PREX2: variants seen among roughly 807,000 people sequenced by gnomAD.
PREX2 encodes phosphatidylinositol-3,4,5-trisphosphate dependent Rac exchange factor 2.
In PREX2, 107 loss-of-function variants were observed where a neutral mutation model predicts 203.2. That is an observed-to-expected ratio of 0.53 (90% CI 0.45 to 0.62). The LOEUF (loss-of-function observed/expected upper bound fraction) is 0.62, where lower values mean the gene tolerates loss of function less well. PREX2 is among the 20% of genes least tolerant of loss of function. The pLI, the probability that PREX2 is intolerant of heterozygous loss-of-function variation, is 0.00. For missense variants in PREX2, 1,777 were observed against 1,955.9 expected, an observed-to-expected ratio of 0.91 and a Z score of 1.72; for synonymous variants, 672 against 663.6, an observed-to-expected ratio of 1.01 and a Z score of -0.19.
intron 37 of PREX2, among the ~76,000 whole-genome samples, chr8:68,201,424 G>A (rs533222131): frequency 2.0e-5 from 3 of 152,254 alleles, no homozygotes; most frequent in African/African-American, 7.2e-5. Flanking sequence ...TCCCACAATA[G>A]GCCGTCTGCA....
chr8:68,204,678 C>CTTTTTTTTTTTTT (rs1192583427), intron 37 of PREX2, among the ~76,000 whole-genome samples: 32 of 83,426 alleles, frequency 3.8e-4, no homozygotes, highest in African/African-American at 8.7e-4. Context: ...TTTCTTCTTT[C>CTTTTTTTTTTTTT]TTTTTTTTTT....
intron 4 of PREX2, 69 bp from the exon 5 acceptor site, chr8:68,027,153 A>G: frequency 8.7e-7 from 1 of 1,143,454 alleles, no homozygotes; most frequent in Admixed American, 1.7e-5. Flanking sequence ...TTAGCATTTT[A>G]TGGTGGAAGA....
chr8:68,058,834 C>A (rs1209383310), intron 10 of PREX2, among the ~76,000 whole-genome samples: 1 of 152,190 alleles, frequency 6.6e-6, no homozygotes, highest in Non-Finnish European at 1.5e-5. Flanking sequence ...GAAACAGAAA[C>A]AGGATTTGAG....
intron 18 of PREX2, 87 bp downstream of exon 18, chr8:68,083,475 T>A: frequency 9.6e-7 from 1 of 1,036,822 alleles, no homozygotes; most frequent in Non-Finnish European, 1.4e-6. Context: ...TGCTTAGAAT[T>A]AAGCATCTCA....
intron 1 of PREX2, among the ~76,000 whole-genome samples, chr8:67,970,677 A>C (rs1805901806): frequency 6.6e-6 from 1 of 152,200 alleles, no homozygotes; most frequent in Non-Finnish European, 1.5e-5. Context: ...TCAGAGTAAG[A>C]AATATGAAAT....
chr8:68,149,779 T>C (rs555804680), intron 34 of PREX2, among the ~76,000 whole-genome samples: 87 of 152,308 alleles, frequency 5.7e-4, no homozygotes, highest in Non-Finnish European at 1.1e-3. Context: ...GGAGCCCAAA[T>C]ACCAGGATAT....
chr8:67,966,134 G>A (rs1805770234), intron 1 of PREX2, among the ~76,000 whole-genome samples: 1 of 152,124 alleles, frequency 6.6e-6, no homozygotes, highest in African/African-American at 2.4e-5. Context: ...TTAAATATAT[G>A]TATTTCTATA....
Position 68,109,444 on chromosome 8 carries a change from G to A in PREX2, c.2967G>A (p.Gln989=). ...AACTGAGCCCTATGGTGTACATTCA[G>A]CACACCATCACAACCATGGCGGCCC... ...QGKLSPMVYI[Q]HTITTMAAPS... The change falls in exon 25 of 40, where the codon CAG becomes CAA. Residue 989 remains glutamine, a synonymous_variant. Transcript: ENST00000288368. 4 of 1,613,924 alleles carry A rather than the reference G, an allele frequency of 2.5e-6. No homozygotes were observed. Among genetic ancestry groups the A allele is most frequent in the Non-Finnish European group, 3.4e-6 (4 of 1,179,866 alleles).
intron 23 of PREX2, among the ~76,000 whole-genome samples, chr8:68,104,984 G>A (rs540656038): frequency 1.3e-5 from 2 of 152,246 alleles, no homozygotes; most frequent in Non-Finnish European, 1.5e-5. Flanking sequence ...ACCTTTCCCT[G>A]GGAGTTTCTC....
chr8:68,081,415 T>C (rs1217977395), intron 17 of PREX2, among the ~76,000 whole-genome samples: 1 of 152,120 alleles, frequency 6.6e-6, no homozygotes, highest in East Asian at 1.9e-4. Flanking sequence ...ACCCCTGTCC[T>C]AGAGTCCTTC....
intron 35 of PREX2, among the ~76,000 whole-genome samples, chr8:68,166,256 A>G (rs1481918074): frequency 6.6e-6 from 1 of 152,232 alleles, no homozygotes; most frequent in Non-Finnish European, 1.5e-5. Flanking sequence ...GAAACACCCA[A>G]TAGGACTTCT....
chr8:68,219,226 T>C (rs1812905359), intron 38 of PREX2, among the ~76,000 whole-genome samples: 2 of 152,180 alleles, frequency 1.3e-5, no homozygotes, highest in South Asian at 4.1e-4. Context: ...CATATCCATT[T>C]CTACTGTATA....
chr8:68,038,640 C>T (rs949512040), intron 7 of PREX2, among the ~76,000 whole-genome samples: 2 of 152,014 alleles, frequency 1.3e-5, no homozygotes, highest in African/African-American at 2.4e-5. Context: ...CCAATCATTT[C>T]CCCCTCTTCC....
chr8:67,965,018 T>C (rs10107792), intron 1 of PREX2, among the ~76,000 whole-genome samples: 66,290 of 151,650 alleles, frequency 0.44, 15,095 homozygotes, highest in East Asian at 0.61. Context: ...GTTGCTGGAG[T>C]AGGGACGCAG....
intron 37 of PREX2, among the ~76,000 whole-genome samples, chr8:68,201,164 T>A (rs34495027): frequency 0.019 from 2,886 of 152,188 alleles, 43 homozygotes; most frequent in Middle Eastern, 0.041. Flanking sequence ...GAGATCTCTG[T>A]GGTTAGGGGT....
At chr8:68,083,537 G>A (rs1489286779) in intron 18 of PREX2, 149 bp downstream of exon 18, 4 of 492,842 alleles carry the variant, frequency 8.1e-6, no homozygotes, top group African/African-American at 7.7e-5. Flanking sequence ...GTTTACAGAT[G>A]ATGGGAGAAG....
At chr8:68,158,832 A>C (rs916017814) in intron 35 of PREX2, among the ~76,000 whole-genome samples, 5 of 152,134 alleles carry the variant, frequency 3.3e-5, no homozygotes, top group African/African-American at 4.8e-5. Flanking sequence ...TCTTAACAGC[A>C]TTGATGATCA....
At chr8:67,968,687 A>T (rs1165877598) in intron 1 of PREX2, among the ~76,000 whole-genome samples, 1 of 152,200 alleles carries the variant, frequency 6.6e-6, no homozygotes, top group Non-Finnish European at 1.5e-5. Flanking sequence ...AATCTTTCGC[A>T]TCCACTTCTC....
At chr8:68,204,655 CTT>C (rs1444805968) in intron 37 of PREX2, among the ~76,000 whole-genome samples, 2 of 122,804 alleles carry the variant, frequency 1.6e-5, no homozygotes, top group African/African-American at 6.2e-5. Flanking sequence ...CCTCTGCTTT[CTT>C]TTCTTTTTTC....
Sources: gnomAD v4.1 joint callset for allele counts (sites outside exome capture counted in the v4.1 genomes callset) on GRCh38, gnomAD v4.1.1 for gene constraint, MANE v1.5 for transcripts, NCBI Gene and HGNC (gene_info 2026-07-23, HGNC 2026-07-21) for gene names.